Variants in TCEA3 observed in about 807,000 individuals in gnomAD.
TCEA3 encodes transcription elongation factor A protein 3.
TCEA3 carries 36 observed loss-of-function variants against 44.0 expected under a neutral mutation model. The observed-to-expected ratio is 0.82, with a 90% CI of 0.63 to 1.08. TCEA3 has a LOEUF of 1.08. Ranked by LOEUF, TCEA3 falls within the 50% of genes least tolerant of loss-of-function variation. The pLI, the probability that TCEA3 is intolerant of heterozygous loss-of-function variation, is 0.00. For synonymous variants in TCEA3, 162 were observed against 159.7 expected (o/e 1.01, Z -0.11); for missense variants, 392 against 441.2 (o/e 0.89, Z 1.00).
Position 23,424,678 on chromosome 1 carries a change from G to C in TCEA3, c.-45C>G. 6.6e-7 allele frequency: 1 copy of C among 1,515,690 alleles called. No homozygotes were observed. The highest frequency in any genetic ancestry group is 2.3e-5 in the East Asian group (1 of 43,232). The allele number at this position is 1,515,690 out of a possible 1,614,324, so 93.9% of individuals were successfully genotyped here. ...CGGGGCGAGGGGCACAGGGGCAGCA[G>C]TAGGGCCTCGGGGGCAGGAGGCGCG... On this transcript the variant is annotated 5_prime_UTR_variant, in exon 1 of 11. Coordinates refer to ENST00000450454, the MANE Select transcript of TCEA3 (RefSeq NM_003196.3).
At chr1:23,399,921 C>T (rs1639348333) in intron 5 of TCEA3, among the ~76,000 whole-genome samples, 1 of 152,238 alleles carries the variant, frequency 6.6e-6, no homozygotes, top group African/African-American at 2.4e-5. Flanking sequence ...GGTGATCCAC[C>T]TGCCTTGGCC....
chr1:23,404,225 CCT>C (rs1421102357), intron 5 of TCEA3: 1 of 701,468 alleles, frequency 1.4e-6, no homozygotes, highest in Non-Finnish European at 2.6e-6. Context: ...AACTTTCTCC[CCT>C]GTCAACATGG....
At chr1:23,387,142 C>T (rs563790286) in intron 9 of TCEA3, 131 bp downstream of exon 9, 18 of 1,233,768 alleles carry the variant, frequency 1.5e-5, no homozygotes, top group East Asian at 7.8e-5. Flanking sequence ...CATGAGCCAC[C>T]GCACCCGGCA....
intron 10 of TCEA3, among the ~76,000 whole-genome samples, chr1:23,383,001 CG>C (rs1265469236): frequency 2.0e-5 from 3 of 152,166 alleles, no homozygotes; most frequent in African/African-American, 4.8e-5. Context: ...AATTAGAGGC[CG>C]GGCGCGGCGG....
intron 10 of TCEA3, chr1:23,383,558 G>C (rs1223795328): frequency 1.0e-6 from 1 of 971,740 alleles, no homozygotes; most frequent in Non-Finnish European, 1.2e-6. Flanking sequence ...AACATGCTCA[G>C]CATGAGTAGG....
At chr1:23,419,442 T>C (rs1639993620) in intron 1 of TCEA3, 1 of 288,644 alleles carries the variant, frequency 3.5e-6, no homozygotes, top group African/African-American at 2.2e-5. Flanking sequence ...CCAAATGAAT[T>C]CCTTCCTGGC....
At chr1:23,408,641 G>C (rs763150157) in intron 5 of TCEA3, 23 bp downstream of exon 5, 61 of 1,605,450 alleles carry the variant, frequency 3.8e-5, no homozygotes, top group Admixed American at 1.5e-4. Context: ...CACTGGGATG[G>C]AGAAAGCTGT....
chr1:23,414,338 C>T (rs537343311), intron 4 of TCEA3, among the ~76,000 whole-genome samples: 16 of 152,248 alleles, frequency 1.1e-4, no homozygotes, highest in African/African-American at 3.9e-4. Context: ...GATCTGCCCG[C>T]CTCAGCCTCC....
intron 1 of TCEA3, chr1:23,419,392 C>G (rs12122936): frequency 0.04 from 14,466 of 365,028 alleles, 399 homozygotes; most frequent in Middle Eastern, 0.1. Flanking sequence ...TCTGCTGTGC[C>G]TCTCCCCAGG....
chr1:23,413,406 G>A (rs1267003981), intron 4 of TCEA3, among the ~76,000 whole-genome samples: 1 of 151,816 alleles, frequency 6.6e-6, no homozygotes, highest in Non-Finnish European at 1.5e-5. Context: ...GGGATTACAA[G>A]CATGAGCCAC....
intron 5 of TCEA3, chr1:23,403,806 G>C: frequency 2.4e-6 from 1 of 419,248 alleles, no homozygotes; most frequent in Admixed American, 3.6e-5. Context: ...GCTGTTTGGA[G>C]CATTTCTTCC....
intron 4 of TCEA3, among the ~76,000 whole-genome samples, chr1:23,414,562 C>T (rs919461641): frequency 2.6e-5 from 4 of 151,892 alleles, no homozygotes; most frequent in African/African-American, 9.7e-5. Context: ...GCCAACAGGC[C>T]CAGCTAATTT....
At chr1:23,391,930 A>C (rs1271947179) in intron 8 of TCEA3, among the ~76,000 whole-genome samples, 1 of 152,060 alleles carries the variant, frequency 6.6e-6, no homozygotes, top group African/African-American at 2.4e-5. Flanking sequence ...TCAAAAAAAC[A>C]AGCAAACAAA....
intron 4 of TCEA3, among the ~76,000 whole-genome samples, chr1:23,416,267 A>C (rs1403406109): frequency 1.3e-5 from 2 of 152,008 alleles, no homozygotes; most frequent in Non-Finnish European, 2.9e-5. Context: ...CGGCCTCCCA[A>C]AGTGCTGGGA....
intron 4 of TCEA3, among the ~76,000 whole-genome samples, chr1:23,410,472 TA>T (rs1470347811): frequency 1.3e-5 from 2 of 152,050 alleles, no homozygotes; most frequent in African/African-American, 4.8e-5. Flanking sequence ...ATACTAGAGC[TA>T]GAGCATCAGG....
At position 23,408,844 on chromosome 1, in the gene TCEA3, C is replaced by A. The variant is rs1047775399; in HGVS notation, c.381-118G>T. On this transcript the variant is annotated intron_variant, in intron 4 of 10. Transcript: ENST00000450454. ...CTGGCTTGAGGCTAAGGAAGCCCACCCGGGCCACAGCTACTTGGGAGAGGG... is the reference window on the plus strand; with the variant it reads ...CTGGCTTGAGGCTAAGGAAGCCCACACGGGCCACAGCTACTTGGGAGAGGG... 6 of 915,572 alleles carry A rather than the reference C, an allele frequency of 6.6e-6. No individual in the cohort carries two copies. The East Asian group carries it at 1.6e-4, about 25-fold the overall frequency. The allele number at this position is 915,572 out of a possible 1,614,324, so 56.7% of individuals were successfully genotyped here. A position where few individuals can be genotyped will look rare whatever the true frequency, so the allele number is the denominator to read the frequency against.
At chr1:23,408,077 T>C (rs1639596445) in intron 5 of TCEA3, among the ~76,000 whole-genome samples, 1 of 152,194 alleles carries the variant, frequency 6.6e-6, no homozygotes, top group South Asian at 2.1e-4. Flanking sequence ...TTCTCCTGCC[T>C]CAGCCTCCCG....
chr1:23,384,325 G>T, intron 10 of TCEA3, 21 bp downstream of exon 10: 1 of 1,613,780 alleles, frequency 6.2e-7, no homozygotes, highest in African/African-American at 1.3e-5. Flanking sequence ...AGGGAAGGGG[G>T]AAATACATAA....
intron 4 of TCEA3, chr1:23,410,999 T>C: frequency 4.9e-6 from 1 of 204,430 alleles, no homozygotes; most frequent in Non-Finnish European, 1.1e-5. Context: ...CAGCACAATA[T>C]TTTCTCTAGC....
Sources: gnomAD v4.1 joint callset for allele counts (sites outside exome capture counted in the v4.1 genomes callset) on GRCh38, gnomAD v4.1.1 for gene constraint, MANE v1.5 for transcripts, NCBI Gene and HGNC (gene_info 2026-07-23, HGNC 2026-07-21) for gene names.